ALK: variants seen among roughly 807,000 people sequenced by gnomAD.
ALK encodes the protein ALK tyrosine kinase receptor.
Under a neutral mutation model 163.1 loss-of-function variants are expected in ALK, and 74 were observed. The ratio of observed to expected loss-of-function variants is 0.45; its 90% CI spans 0.38 to 0.55. ALK has a LOEUF of 0.55. ALK is among the 20% of genes least tolerant of loss of function. ALK has a pLI of 0.00. For missense variants in ALK, 2,063 were observed against 2,105.3 expected, an observed-to-expected ratio of 0.98 and a Z score of 0.39; for synonymous variants, 960 against 843.2, an observed-to-expected ratio of 1.14 and a Z score of -2.40.
chr2:29,272,676 T>C (rs561334531), intron 11 of ALK, among the ~76,000 whole-genome samples: 5 of 152,352 alleles, frequency 3.3e-5, no homozygotes, highest in Admixed American at 3.3e-4. Flanking sequence ...AACTGACAGC[T>C]TTGAACTTTG....
chr2:29,294,008 G>A (rs75766371), intron 9 of ALK, among the ~76,000 whole-genome samples: 59 of 152,292 alleles, frequency 3.9e-4, no homozygotes, highest in South Asian at 2.9e-3. Context: ...AAGGTTCAGG[G>A]TTGGGGAGCT....
chr2:29,839,133 G>T (rs1665637129), intron 1 of ALK, among the ~76,000 whole-genome samples: 1 of 151,932 alleles, frequency 6.6e-6, no homozygotes, highest in African/African-American at 2.4e-5. Flanking sequence ...CTCTTAAATT[G>T]GTCCCATTGA....
At chr2:29,316,321 G>C (rs1666835116) in intron 8 of ALK, among the ~76,000 whole-genome samples, 1 of 152,146 alleles carries the variant, frequency 6.6e-6, no homozygotes, top group Admixed American at 6.5e-5. Flanking sequence ...TAAATAATGT[G>C]AGTGTGGAAT....
rs144395224 is a variant in ALK at position 29,670,317 on chromosome 2, T to C, written c.952+24533A>G. On this transcript the variant is annotated intron_variant, in intron 3 of 28. Transcript: ENST00000389048. ...CTTGGAAGGCAGAATTTTTTTCCTTTGGGCACTTTGAAAATGTCATTCCAT... is the reference window on the plus strand; with the variant it reads ...CTTGGAAGGCAGAATTTTTTTCCTTCGGGCACTTTGAAAATGTCATTCCAT... 4.0e-3 allele frequency among the ~76,000 whole-genome samples: 609 copies of C among 152,188 alleles called. 4 individuals carry two copies. The highest frequency in any genetic ancestry group is 0.014 in the African/African-American group (578 of 41,544).
chr2:29,202,968 A>G (rs1669219619), intron 26 of ALK, among the ~76,000 whole-genome samples: 1 of 152,190 alleles, frequency 6.6e-6, no homozygotes, highest in African/African-American at 2.4e-5. Context: ...GTTCAGGACA[A>G]TTACTTAATT....
intron 3 of ALK, among the ~76,000 whole-genome samples, chr2:29,569,529 A>AT (rs1345915201): frequency 6.6e-6 from 1 of 151,314 alleles, no homozygotes; most frequent in Non-Finnish European, 1.5e-5. Context: ...CTCAAAGAAC[A>AT]TGCCCAGTAA....
intron 1 of ALK, among the ~76,000 whole-genome samples, chr2:29,816,657 G>T (rs1664906000): frequency 6.6e-6 from 1 of 152,192 alleles, no homozygotes. Context: ...GAAAGTCTGG[G>T]CCACAAGGTC....
rs977002379 is a variant in ALK, at chr2:29,908,070, G to A, written c.667+11923C>T. ...CAACACTAGCCCTCTCTACATCCAG[G>A]CCTGAGACCCACACTAAAATACATT... On this transcript the variant is annotated intron_variant, in intron 1 of 28. Coordinates refer to ENST00000389048, the MANE Select transcript of ALK (RefSeq NM_004304.5). Among the ~76,000 whole-genome samples, 3 of 151,960 alleles carry A rather than the reference G, an allele frequency of 2.0e-5. No homozygotes were observed. The South Asian group carries it at 6.2e-4, about 32-fold the overall frequency.
At chr2:29,819,113 G>A (rs1319201594) in intron 1 of ALK, among the ~76,000 whole-genome samples, 2 of 152,096 alleles carry the variant, frequency 1.3e-5, no homozygotes, top group East Asian at 3.9e-4. Context: ...GGATCATCAG[G>A]GAGCCTGTTA....
intron 9 of ALK, among the ~76,000 whole-genome samples, chr2:29,283,691 G>A (rs1301242427): frequency 2.0e-5 from 3 of 152,126 alleles, no homozygotes; most frequent in African/African-American, 7.2e-5. Flanking sequence ...CTTTTAAGGT[G>A]CCATCTTGGT....
intron 4 of ALK, among the ~76,000 whole-genome samples, chr2:29,423,060 G>T (rs113080512): frequency 4.5e-4 from 69 of 152,210 alleles, no homozygotes; most frequent in African/African-American, 1.6e-3. Flanking sequence ...GCATATTCCT[G>T]CCAGAAGAAG....
chr2:29,287,056 T>C (rs1665877422), intron 9 of ALK, among the ~76,000 whole-genome samples: 1 of 152,176 alleles, frequency 6.6e-6, no homozygotes, highest in African/African-American at 2.4e-5. Context: ...GTTTTATTAA[T>C]GAAAACAAGC....
Position 29,251,216 on chromosome 2 carries a change from T to C in ALK, c.2093A>G (p.Gln698Arg), listed in dbSNP as rs2148197557. 6.2e-7 allele frequency: 1 copy of C among 1,614,114 alleles called. No individual in the cohort carries two copies. Among genetic ancestry groups the C allele is most frequent in the African/African-American group, 1.3e-5 (1 of 75,052 alleles). Reference sequence around the variant, plus strand: ...CTGGTAGGCGTTGTTGCACTGTGCCTGGGTGGGGCCATGGGGCCCGCTGGC... The same window carrying C: ...CTGGTAGGCGTTGTTGCACTGTGCCCGGGTGGGGCCATGGGGCCCGCTGGC... Reference protein sequence around the residue: ...CGASGPHGPTQAQCNNAYQNS... With the variant: ...CGASGPHGPTRAQCNNAYQNS... The change falls in exon 12 of 29, where the codon CAG becomes CGG. Residue 698 changes from glutamine (Q) to arginine (R), a missense_variant. By Grantham distance (43) the Gln-to-Arg change is conservative. Transcript: ENST00000389048.
chr2:29,416,394 ACTCATGATTTCAGAT>A (rs1269596274), intron 4 of ALK, among the ~76,000 whole-genome samples: 1 of 152,180 alleles, frequency 6.6e-6, no homozygotes, highest in African/African-American at 2.4e-5. Context: ...CAAGTGCCTC[ACTCATGATTTCAGAT>A]ATCATGAAGT....
At chr2:29,909,076 T>C (rs924516747) in intron 1 of ALK, among the ~76,000 whole-genome samples, 1 of 152,226 alleles carries the variant, frequency 6.6e-6, no homozygotes, top group African/African-American at 2.4e-5. Flanking sequence ...ATCTATATGG[T>C]ATCTCAGGAG....
chr2:29,381,795 T>C (rs549603224), intron 5 of ALK, among the ~76,000 whole-genome samples: 1 of 152,362 alleles, frequency 6.6e-6, no homozygotes, highest in African/African-American at 2.4e-5. Context: ...GAGTATGCCT[T>C]TAAAGTAACC....
At chr2:29,900,322 G>T (rs1558540053) in intron 1 of ALK, among the ~76,000 whole-genome samples, 1 of 152,170 alleles carries the variant, frequency 6.6e-6, no homozygotes, top group Non-Finnish European at 1.5e-5. Context: ...GACACTCAAG[G>T]GTTTTAGACC....
intron 1 of ALK, among the ~76,000 whole-genome samples, chr2:29,889,748 AGAGAGAGAG>A (rs2148423832): frequency 9.3e-6 from 1 of 108,036 alleles, no homozygotes; most frequent in African/African-American, 3.5e-5. Flanking sequence ...AGAGAGAGAG[AGAGAGAGAG>A]AGAAACCAGG....
chr2:29,768,060 A>C (rs1242445275), intron 1 of ALK, among the ~76,000 whole-genome samples: 4 of 152,162 alleles, frequency 2.6e-5, no homozygotes, highest in Non-Finnish European at 5.9e-5. Context: ...AGGAGTTTCA[A>C]ATGAAGGTGG....
Sources: gnomAD v4.1 joint callset for allele counts (sites outside exome capture counted in the v4.1 genomes callset) on GRCh38, gnomAD v4.1.1 for gene constraint, MANE v1.5 for transcripts, NCBI Gene and HGNC (gene_info 2026-07-23, HGNC 2026-07-21) for gene names.